MITF: variants seen among roughly 807,000 people sequenced by gnomAD.
The protein encoded by MITF is microphthalmia-associated transcription factor.
Under a neutral mutation model 60.5 loss-of-function variants are expected in MITF, and 17 were observed. That is an observed-to-expected ratio of 0.28 (90% CI 0.19 to 0.42). MITF has a LOEUF of 0.42. Ranked by LOEUF, MITF falls within the 10% of genes least tolerant of loss-of-function variation. MITF has a pLI of 1.00. For synonymous variants in MITF, 260 were observed against 248.5 expected, an observed-to-expected ratio of 1.05 and a Z score of -0.43; for missense variants, 622 against 683.5, an observed-to-expected ratio of 0.91 and a Z score of 1.00.
At chr3:69,781,422 A>G (rs2062561940) in intron 1 of MITF, among the ~76,000 whole-genome samples, 1 of 152,168 alleles carries the variant, frequency 6.6e-6, no homozygotes, top group Admixed American at 6.5e-5. Context: ...AACTGGCTGC[A>G]AAATTTGCAG....
intron 2 of MITF, among the ~76,000 whole-genome samples, chr3:69,923,425 A>G (rs1575971818): frequency 6.6e-6 from 1 of 152,098 alleles, no homozygotes; most frequent in Non-Finnish European, 1.5e-5. Flanking sequence ...GCTCATTGCA[A>G]CCTCTGCCTC....
rs75450915 is a variant in MITF, at chr3:69,925,558, A to G, written c.355-12264A>G. On this transcript the variant is annotated intron_variant, in intron 2 of 9. Coordinates refer to ENST00000352241, the MANE Select transcript of MITF (RefSeq NM_001354604.2). ...GCATTTTCAAAGTGTTCATCAGATCATGTTGATTCTCTTTATTAAAACATC... is the reference window on the plus strand; with the variant it reads ...GCATTTTCAAAGTGTTCATCAGATCGTGTTGATTCTCTTTATTAAAACATC... 1.1e-4 allele frequency among the ~76,000 whole-genome samples: 17 copies of G among 152,356 alleles called. No individual in the cohort carries two copies. The East Asian group carries it at 2.9e-3, about 26-fold the overall frequency.
intron 1 of MITF, among the ~76,000 whole-genome samples, chr3:69,845,737 C>T (rs2063721035): frequency 6.6e-6 from 1 of 152,122 alleles, no homozygotes; most frequent in Non-Finnish European, 1.5e-5. Context: ...TCCTGTTTTC[C>T]TTGATTTTCT....
intron 1 of MITF, among the ~76,000 whole-genome samples, chr3:69,793,031 T>TA (rs2062767645): frequency 9.7e-6 from 1 of 102,598 alleles, no homozygotes; most frequent in Admixed American, 1.1e-4. Flanking sequence ...TTTTTTTTTT[T>TA]AAACAGGGTC....
At chr3:69,792,998 C>CT (rs58440406) in intron 1 of MITF, among the ~76,000 whole-genome samples, 5,141 of 31,024 alleles carry the variant, frequency 0.17, 1,224 homozygotes, top group East Asian at 0.2. Context: ...AAGTCTTTAG[C>CT]TTTTTTTTTT....
At chr3:69,941,698 T>G (rs9847658) in intron 5 of MITF, among the ~76,000 whole-genome samples, 9,374 of 152,184 alleles carry the variant, frequency 0.062, 724 homozygotes, top group African/African-American at 0.18. Flanking sequence ...AAAAGTTGGT[T>G]CAGTTTTTCA....
At chr3:69,777,094 T>A (rs2106860046) in intron 1 of MITF, among the ~76,000 whole-genome samples, 1 of 152,242 alleles carries the variant, frequency 6.6e-6, no homozygotes, top group African/African-American at 2.4e-5. Flanking sequence ...AAGATCAGAG[T>A]TAGTCAGGGT....
intron 1 of MITF, among the ~76,000 whole-genome samples, chr3:69,848,446 A>G (rs933363972): frequency 6.6e-6 from 1 of 152,214 alleles, no homozygotes; most frequent in African/African-American, 2.4e-5. Flanking sequence ...TCAAAACACA[A>G]TATTCTCCAC....
At chr3:69,889,879 G>T (rs1296222157) in intron 2 of MITF, among the ~76,000 whole-genome samples, 1 of 152,098 alleles carries the variant, frequency 6.6e-6, no homozygotes, top group Non-Finnish European at 1.5e-5. Context: ...CACATTTCCA[G>T]TGCTCAGCAG....
At chr3:69,882,573 A>T (rs965128304) in intron 2 of MITF, among the ~76,000 whole-genome samples, 1 of 152,196 alleles carries the variant, frequency 6.6e-6, no homozygotes, top group Admixed American at 6.6e-5. Context: ...AACAAAAAAA[A>T]AGTCATCAAG....
intron 1 of MITF, among the ~76,000 whole-genome samples, chr3:69,764,822 C>T (rs2062264842): frequency 6.6e-6 from 1 of 152,196 alleles, no homozygotes; most frequent in African/African-American, 2.4e-5. Context: ...GCTCTGTCCT[C>T]ATCATTTTCT....
intron 1 of MITF, among the ~76,000 whole-genome samples, chr3:69,851,274 A>C (rs913940332): frequency 3.3e-5 from 5 of 152,262 alleles, no homozygotes; most frequent in South Asian, 4.2e-4. Flanking sequence ...GGTTTCTTTA[A>C]AGTATGTACC....
intron 1 of MITF, among the ~76,000 whole-genome samples, chr3:69,855,295 A>C (rs1393037596): frequency 6.6e-6 from 1 of 151,778 alleles, no homozygotes; most frequent in Non-Finnish European, 1.5e-5. Flanking sequence ...AAAGAAAAAA[A>C]AGTACATATC....
chr3:69,790,350 GT>G (rs940230229), intron 1 of MITF, among the ~76,000 whole-genome samples: 8 of 152,116 alleles, frequency 5.3e-5, no homozygotes, highest in African/African-American at 1.7e-4. Context: ...AGGGGAGTTG[GT>G]ATTTAATGGG....
intron 9 of MITF, among the ~76,000 whole-genome samples, chr3:69,961,550 CA>C (rs36044055): frequency 2.0e-3 from 249 of 126,978 alleles, no homozygotes; most frequent in East Asian, 5.7e-3. Flanking sequence ...ACCAAAAATA[CA>C]AAAAAAAAAA....
intron 2 of MITF, chr3:69,936,947 CTTTT>C (rs79472179): frequency 0.013 from 3,439 of 271,086 alleles, no homozygotes; most frequent in South Asian, 0.021. Context: ...TAGTAGGATT[CTTTT>C]TTTTTTTTTT....
chr3:69,938,450 T>G, intron 3 of MITF: 1 of 1,497,948 alleles, frequency 6.7e-7, no homozygotes, highest in South Asian at 1.3e-5. Context: ...GAAGTTCCGC[T>G]TGTTGTGAAT....
chr3:69,939,711 A>G (rs2065926587), intron 4 of MITF, among the ~76,000 whole-genome samples: 1 of 152,174 alleles, frequency 6.6e-6, no homozygotes, highest in African/African-American at 2.4e-5. Context: ...ATGTATATAG[A>G]TATAGGAGAG....
intron 1 of MITF, among the ~76,000 whole-genome samples, chr3:69,810,279 A>G (rs1343959692): frequency 1.3e-5 from 2 of 152,324 alleles, no homozygotes; most frequent in East Asian, 3.9e-4. Flanking sequence ...CTGATTGCCA[A>G]TTCATGTCTT....
Sources: allele counts gnomAD v4.1 joint callset (sites outside exome capture counted in the v4.1 genomes callset), GRCh38; gene constraint gnomAD v4.1.1; transcripts MANE v1.5; gene names NCBI Gene and HGNC (gene_info 2026-07-23, HGNC 2026-07-21).